Variants in RAD51B observed in about 807,000 individuals in gnomAD.
The protein encoded by RAD51B is RAD51 paralog B.
In RAD51B, 38 loss-of-function variants were observed where a neutral mutation model predicts 42.2. That is an observed-to-expected ratio of 0.90 (90% CI 0.70 to 1.18). The LOEUF is 1.18. RAD51B is among the 50% of genes most tolerant of loss of function. The pLI, the probability that RAD51B is intolerant of heterozygous loss-of-function variation, is 0.00. For synonymous variants in RAD51B, 154 were observed against 145.2 expected, an observed-to-expected ratio of 1.06 and a Z score of -0.43; for missense variants, 373 against 400.7, an observed-to-expected ratio of 0.93 and a Z score of 0.59.
chr14:68,638,789 G>A (rs141808960), intron 10 of RAD51B, among the ~76,000 whole-genome samples: 398 of 152,256 alleles, frequency 2.6e-3, no homozygotes, highest in Middle Eastern at 0.01. Context: ...GCTTTCAGAG[G>A]GGCCATTCCA....
intron 4 of RAD51B, among the ~76,000 whole-genome samples, chr14:67,863,132 A>G (rs1173257332): frequency 3.4e-5 from 5 of 146,742 alleles, no homozygotes; most frequent in Non-Finnish European, 7.4e-5. Flanking sequence ...AAACCAGCAT[A>G]TAGTTTTAAA....
intron 7 of RAD51B, among the ~76,000 whole-genome samples, chr14:68,116,458 T>G (rs1014445371): frequency 6.6e-6 from 1 of 151,878 alleles, no homozygotes; most frequent in South Asian, 2.1e-4. Context: ...ATGTATAAAA[T>G]CAGAGTAATA....
chr14:68,138,456 T>A (rs1163414021), intron 7 of RAD51B, among the ~76,000 whole-genome samples: 1 of 152,152 alleles, frequency 6.6e-6, no homozygotes, highest in Non-Finnish European at 1.5e-5. Context: ...CTGAGGGGAT[T>A]AGTAACTCAT....
chr14:68,216,157 T>G (rs2079809789), intron 7 of RAD51B, among the ~76,000 whole-genome samples: 1 of 152,230 alleles, frequency 6.6e-6, no homozygotes, highest in Admixed American at 6.5e-5. Flanking sequence ...CAGACCAACC[T>G]TTGGCATCAG....
chr14:67,898,670 A>G (rs780796657), intron 7 of RAD51B, among the ~76,000 whole-genome samples: 21 of 152,254 alleles, frequency 1.4e-4, no homozygotes, highest in Admixed American at 5.9e-4. Context: ...CACAGTGTAC[A>G]TTCTCCAAGT....
At chr14:68,562,531 C>T (rs1249653475) in intron 10 of RAD51B, 2 of 985,324 alleles carry the variant, frequency 2.0e-6, no homozygotes, top group Non-Finnish European at 2.4e-6. Context: ...CCAGCACCCA[C>T]AGCCATGTTT....
At chr14:68,347,810 A>C (rs185704715) in intron 8 of RAD51B, among the ~76,000 whole-genome samples, 1 of 152,244 alleles carries the variant, frequency 6.6e-6, no homozygotes, top group African/African-American at 2.4e-5. Context: ...ACCCATACAC[A>C]GTAAGATTGC....
intron 9 of RAD51B, among the ~76,000 whole-genome samples, chr14:68,433,167 G>A (rs1168714774): frequency 6.6e-6 from 1 of 152,170 alleles, no homozygotes; most frequent in African/African-American, 2.4e-5. Flanking sequence ...CTTTCTCTCT[G>A]GCTGCCCTTA....
chr14:68,160,809 C>T (rs1195729420), intron 7 of RAD51B, among the ~76,000 whole-genome samples: 1 of 152,168 alleles, frequency 6.6e-6, no homozygotes, highest in Non-Finnish European at 1.5e-5. Flanking sequence ...CAAACCCATA[C>T]TATTGGCCAC....
chr14:68,405,386 G>A (rs1463542016), intron 8 of RAD51B, among the ~76,000 whole-genome samples: 4 of 152,180 alleles, frequency 2.6e-5, no homozygotes, highest in African/African-American at 9.7e-5. Flanking sequence ...CAAGGTTACA[G>A]TGGGCTATGA....
intron 8 of RAD51B, among the ~76,000 whole-genome samples, chr14:68,304,095 G>A (rs1199688837): frequency 6.6e-6 from 1 of 151,816 alleles, no homozygotes; most frequent in East Asian, 1.9e-4. Flanking sequence ...ACTTGAGCCT[G>A]TGAGGCGGAG....
chr14:68,519,722 A>T (rs1886435726), intron 10 of RAD51B, among the ~76,000 whole-genome samples: 2 of 152,348 alleles, frequency 1.3e-5, no homozygotes, highest in Non-Finnish European at 2.9e-5. Flanking sequence ...TGGTGGGACC[A>T]GTGGAGCCCA....
intron 5 of RAD51B, among the ~76,000 whole-genome samples, chr14:67,879,294 CTA>C (rs1181725551): frequency 6.6e-6 from 1 of 152,176 alleles, no homozygotes; most frequent in Admixed American, 6.5e-5. Context: ...AGGATAATCT[CTA>C]GTACTTAAAG....
rs1210138214 is a variant in RAD51B at position 68,565,635 on chromosome 14, G to C, written c.1037-28850G>C. 2.6e-5 allele frequency among the ~76,000 whole-genome samples: 4 copies of C among 152,220 alleles called. No homozygotes were observed. The highest frequency in any genetic ancestry group is 2.0e-4 in the Admixed American group (3 of 15,286). On this transcript the variant is annotated intron_variant, in intron 10 of 10. Transcript: ENST00000487270. This position sits in a 1 kb window ranked among gnomAD's most constrained non-coding sequence, Gnocchi z 4.1. ...ACCAGGGAGAGCAGGCAGAGAAAGA[G>C]AGCTAATCTCCTTTACCCCATCCTT... is the stretch of plus-strand genomic sequence containing the variant.
At chr14:68,411,570 A>C in intron 9 of RAD51B, 43 bp downstream of exon 9, 2 of 1,564,064 alleles carry the variant, frequency 1.3e-6, no homozygotes, top group Non-Finnish European at 1.8e-6. Context: ...AGGTCGGGGA[A>C]TGAGATATAC....
chr14:68,623,204 G>C (rs922752206), intron 10 of RAD51B, among the ~76,000 whole-genome samples: 4 of 152,150 alleles, frequency 2.6e-5, no homozygotes, highest in East Asian at 1.9e-4. Flanking sequence ...CTGACCAGCT[G>C]TTCCCTCCCC....
chr14:68,027,609 A>C (rs1407138971), intron 7 of RAD51B, among the ~76,000 whole-genome samples: 1 of 152,146 alleles, frequency 6.6e-6, no homozygotes, highest in Non-Finnish European at 1.5e-5. Flanking sequence ...TTCTTTCCTC[A>C]GTGTGGTCTG....
At chr14:67,873,382 A>T (rs1186660710) in intron 5 of RAD51B, among the ~76,000 whole-genome samples, 9 of 152,146 alleles carry the variant, frequency 5.9e-5, no homozygotes, top group African/African-American at 2.2e-4. Context: ...TCAAAACCAC[A>T]ATGAGATACC....
At chr14:68,427,399 T>C (rs754586777) in intron 9 of RAD51B, among the ~76,000 whole-genome samples, 1 of 152,224 alleles carries the variant, frequency 6.6e-6, no homozygotes, top group Non-Finnish European at 1.5e-5. Context: ...AGCAAAGCCA[T>C]GGGGTTGGAG....
Sources: allele counts gnomAD v4.1 joint callset (sites outside exome capture counted in the v4.1 genomes callset), GRCh38; gene constraint gnomAD v4.1.1; non-coding constraint Gnocchi (gnomAD v3.1); transcripts MANE v1.5; gene names NCBI Gene and HGNC (gene_info 2026-07-23, HGNC 2026-07-21).